Variants in ADCY3 observed in about 807,000 individuals in gnomAD.
ADCY3 encodes adenylate cyclase 3, also known as adenylate cyclase type 3.
A neutral mutation model predicts 119.4 loss-of-function variants in ADCY3; 70 were observed. The observed-to-expected ratio is 0.59, with a 90% confidence interval of 0.48 to 0.72. ADCY3 has a LOEUF of 0.72. Among genes scored for constraint, ADCY3 ranks in the 30% least tolerant of loss-of-function variants. ADCY3 has a pLI of 0.00. For synonymous variants in ADCY3, 672 were observed against 621.4 expected, an observed-to-expected ratio of 1.08 and a Z score of -1.21; for missense variants, 1,238 against 1,541.6, an observed-to-expected ratio of 0.80 and a Z score of 3.30.
At chr2:24,866,564 CAAAAAAAAAAAAA>C (rs71397449) in intron 3 of ADCY3, among the ~76,000 whole-genome samples, 8 of 46,560 alleles carry the variant, frequency 1.7e-4, no homozygotes, top group Admixed American at 3.3e-4. Flanking sequence ...GACCCTGTCT[CAAAAAAAAAAAAA>C]AAAAAAAAGA....
rs1668784803 is a variant in ADCY3 at position 24,827,476 on chromosome 2, GCC to G, written c.2495+68_2495+69del. Reference sequence around the variant, plus strand: ...GGGAGGGTGAGATCCCGGGGCTTGGGCCTGTTATATTCCTGTCTCTAGAAGAA... The same window carrying G: ...GGGAGGGTGAGATCCCGGGGCTTGGGTGTTATATTCCTGTCTCTAGAAGAA... On this transcript the variant is annotated intron_variant, in intron 15 of 21. Transcript: ENST00000679454. 2.6e-6 allele frequency: 4 copies of G among 1,514,602 alleles called. No homozygotes were observed. In the Admixed American group the frequency reaches 7.8e-5, roughly 30 times the overall value. 93.8% of individuals were successfully genotyped at this position (1,514,602 alleles called of 1,614,324 possible).
At chr2:24,912,969 TCTGATGGCC>T (rs1663975268) in intron 2 of ADCY3, among the ~76,000 whole-genome samples, 1 of 152,256 alleles carries the variant, frequency 6.6e-6, no homozygotes, top group Non-Finnish European at 1.5e-5. Context: ...TGCAGCTGAA[TCTGATGGCC>T]CTGCAGTCCC....
In ADCY3 at chr2:24,898,296, ACCG is replaced by A. The variant is rs1678517342; in HGVS notation, c.675+20014_675+20016del. ...CAGAGGCCCCCGGGGAGGCTCGAGG[ACCG>A]CCTTTCCATCACCGTGGGGTGAGCC... On this transcript the variant is annotated intron_variant, in intron 2 of 21. Transcript: ENST00000679454. This position sits in a 1 kb window ranked among gnomAD's most constrained non-coding sequence, Gnocchi z 4.3. Among the ~76,000 whole-genome samples the A allele has an allele frequency of 6.6e-6, 1 of 151,528 alleles. No homozygotes were observed. Among genetic ancestry groups the A allele is most frequent in the African/African-American group, 2.4e-5 (1 of 41,138 alleles).
Position 24,888,427 on chromosome 2 carries a change from G to A in ADCY3, c.676-15708C>T, listed in dbSNP as rs563013661. ...CCAGCAGCTGCTAGAGCCACCTGCCGGTGCTGAACTGACCGACTACCTCCC... is the reference window on the plus strand; with the variant it reads ...CCAGCAGCTGCTAGAGCCACCTGCCAGTGCTGAACTGACCGACTACCTCCC... On this transcript the variant is annotated intron_variant, in intron 2 of 21. Coordinates refer to ENST00000679454, the MANE Select transcript of ADCY3 (RefSeq NM_004036.5). Among the ~76,000 whole-genome samples the A allele has an allele frequency of 5.3e-5, 8 of 152,340 alleles. No individual in the cohort carries two copies. The East Asian group carries it at 9.7e-4, about 18-fold the overall frequency.
chr2:24,838,889 A>G (rs944120676), intron 7 of ADCY3: 1 of 1,591,924 alleles, frequency 6.3e-7, no homozygotes. Flanking sequence ...ACAGGAGTAC[A>G]ATCTTTCTTC....
intron 7 of ADCY3, 31 bp from the exon 8 acceptor site, chr2:24,838,653 C>A: frequency 6.2e-7 from 1 of 1,611,346 alleles, no homozygotes; most frequent in Non-Finnish European, 8.5e-7. Context: ...CCCTGAGCGT[C>A]GGCCAGAGGT....
chr2:24,847,482 G>C (rs17046666), intron 3 of ADCY3, among the ~76,000 whole-genome samples: 20,427 of 152,150 alleles, frequency 0.13, 1,980 homozygotes, highest in African/African-American at 0.27. Context: ...GAATGAGAAG[G>C]CAAAGTAATC....
intron 3 of ADCY3, among the ~76,000 whole-genome samples, chr2:24,845,611 A>C (rs1432252688): frequency 6.6e-6 from 1 of 152,226 alleles, no homozygotes; most frequent in African/African-American, 2.4e-5. Flanking sequence ...AAACAGCATA[A>C]AAATTTGGAA....
chr2:24,865,690 C>T (rs879781667), intron 3 of ADCY3, among the ~76,000 whole-genome samples: 4 of 151,946 alleles, frequency 2.6e-5, no homozygotes, highest in Admixed American at 6.6e-5. Context: ...TACATGTATA[C>T]GTTTGCTATA....
chr2:24,873,047 G>T (rs73923452), intron 2 of ADCY3, among the ~76,000 whole-genome samples: 3,510 of 152,332 alleles, frequency 0.023, 133 homozygotes, highest in African/African-American at 0.079. Context: ...AGGCTGGCCA[G>T]TCCCTCCACC....
rs189057028 is a variant in ADCY3 at position 24,841,525 on chromosome 2, G to A, written c.1068+31C>T. On this transcript the variant is annotated intron_variant, in intron 5 of 21. Coordinates refer to ENST00000679454, the MANE Select transcript of ADCY3 (RefSeq NM_004036.5). The surrounding 1 kb of genome is among the most constrained non-coding windows in gnomAD (Gnocchi z 5.8). ...GGCAGAGGCCATGAGGGCAGGCCCC[G>A]CTGGAGAGCCAGGCGGGGCCAGGGA... 31 of 1,602,216 alleles carry A rather than the reference G, an allele frequency of 1.9e-5. 1 individual carries two copies. In the Middle Eastern group the frequency reaches 6.9e-4, roughly 36 times the overall value.
At chr2:24,900,375 T>A (rs1346498295) in intron 2 of ADCY3, among the ~76,000 whole-genome samples, 4 of 151,630 alleles carry the variant, frequency 2.6e-5, no homozygotes, top group African/African-American at 4.8e-5. Context: ...AAAAATTTTT[T>A]AAAAACGTAA....
chr2:24,840,122 C>T, intron 6 of ADCY3, 91 bp from the exon 7 acceptor site: 1 of 1,496,814 alleles, frequency 6.7e-7, no homozygotes, highest in Non-Finnish European at 9.1e-7. Context: ...TCATTGTGGG[C>T]CTCTTCCCCT....
At chr2:24,913,336 C>G (rs1240578536) in intron 2 of ADCY3, among the ~76,000 whole-genome samples, 1 of 152,228 alleles carries the variant, frequency 6.6e-6, no homozygotes, top group Admixed American at 6.5e-5. Context: ...GCATCCAATT[C>G]CCATGGGGAG....
Position 24,918,795 on chromosome 2 carries a change from G to A in ADCY3, c.193C>T (p.Leu65Phe). Residue 65 changes from leucine (L) to phenylalanine (F), a missense_variant, in exon 2 of 22, where the codon CTC becomes TTC. Coordinates refer to ENST00000679454, the MANE Select transcript of ADCY3 (RefSeq NM_004036.5). This position sits in a 1 kb window ranked among gnomAD's most constrained non-coding sequence, Gnocchi z 5.4. ...LTFVPESLEN[L>F]YQTYFKRQRH... ...TGCCTTTTGAAGTAGGTCTGGTAGA[G>A]GTTCTCCAAGGACTCCGGCACGAAA... 6.2e-7 allele frequency: 1 copy of A among 1,613,954 alleles called. No individual in the cohort carries two copies. The highest frequency in any genetic ancestry group is 1.3e-5 in the African/African-American group (1 of 75,060).
intron 2 of ADCY3, among the ~76,000 whole-genome samples, chr2:24,907,585 A>C (rs1663025274): frequency 6.6e-6 from 1 of 152,208 alleles, no homozygotes; most frequent in African/African-American, 2.4e-5. Context: ...GCTCAGAAGA[A>C]GGAAGAGTCA....
chr2:24,900,727 G>A (rs1247794470), intron 2 of ADCY3, among the ~76,000 whole-genome samples: 2 of 152,322 alleles, frequency 1.3e-5, no homozygotes, highest in East Asian at 3.9e-4. Context: ...CACTGGAAGG[G>A]CTGCTGTGTA....
At chr2:24,831,548 G>C in intron 12 of ADCY3, 114 bp downstream of exon 12, 1 of 829,618 alleles carries the variant, frequency 1.2e-6, no homozygotes, top group East Asian at 2.7e-5. Context: ...TCCTAACAGA[G>C]GAGTGTCTGC....
At chr2:24,840,930 G>C (rs1473864116) in intron 6 of ADCY3, among the ~76,000 whole-genome samples, 1 of 152,256 alleles carries the variant, frequency 6.6e-6, no homozygotes, top group Non-Finnish European at 1.5e-5. Flanking sequence ...GGGAGCCCCT[G>C]TGGGGGTCCC....
Sources: allele counts gnomAD v4.1 joint callset (sites outside exome capture counted in the v4.1 genomes callset), GRCh38; gene constraint gnomAD v4.1.1; non-coding constraint Gnocchi (gnomAD v3.1); transcripts MANE v1.5; gene names NCBI Gene and HGNC (gene_info 2026-07-23, HGNC 2026-07-21).